The following MGAT5B variants were observed in gnomAD, a reference collection of about 807,000 sequenced individuals.
The protein encoded by MGAT5B is N-acetylglucosaminyl-transferase Vb.
In MGAT5B, 54 loss-of-function variants were observed where a neutral mutation model predicts 95.1. The observed-to-expected ratio is 0.57, with a 90% CI of 0.46 to 0.71. The LOEUF (loss-of-function observed/expected upper bound fraction) is 0.71. MGAT5B is among the 30% of genes least tolerant of loss of function. The pLI is 0.00. For missense variants in MGAT5B, 935 were observed against 1,088.6 expected (o/e 0.86, Z 1.99); for synonymous variants, 464 against 451.0 (o/e 1.03, Z -0.36).
Position 76,949,037 on chromosome 17 carries a change from TC to T in MGAT5B, c.*202del. The T allele has an allele frequency of 1.5e-6, 1 of 655,058 alleles. No homozygotes were observed. Among genetic ancestry groups the T allele is most frequent in the Non-Finnish European group, 2.6e-6 (1 of 389,404 alleles). 40.6% of individuals were successfully genotyped at this position (655,058 alleles called of 1,614,324 possible). A position where few individuals can be genotyped will look rare whatever the true frequency, so the allele number is the denominator to read the frequency against. On this transcript the variant is annotated 3_prime_UTR_variant, in exon 18 of 18. Coordinates refer to ENST00000569840, the MANE Select transcript of MGAT5B (RefSeq NM_001199172.2). ...GGCAGCATGCCGAGCCCCTGGGACCTCCCAGGCAGGCTCCGGTTCTCTCCTG... is the reference window on the plus strand; with the variant it reads ...GGCAGCATGCCGAGCCCCTGGGACCTCCAGGCAGGCTCCGGTTCTCTCCTG...
rs1461351920 is a variant in MGAT5B, at chr17:76,927,441, G to C, written c.1291+711G>C. On this transcript the variant is annotated intron_variant, in intron 10 of 17. Coordinates refer to ENST00000569840, the MANE Select transcript of MGAT5B (RefSeq NM_001199172.2). ...TTTTTGTAGAGAAAGGGTTTCACCA[G>C]GTTGCCCAGGCTGGTCTTGAATTCC... 3.3e-5 allele frequency among the ~76,000 whole-genome samples: 5 copies of C among 152,168 alleles called. No individual in the cohort carries two copies. The East Asian group carries it at 7.7e-4, about 24-fold the overall frequency.
At position 76,942,911 on chromosome 17, in the gene MGAT5B, C is replaced by T. The variant is rs1441007599; in HGVS notation, c.1848+2063C>T. On this transcript the variant is annotated intron_variant, in intron 15 of 17. Transcript: ENST00000569840. ...CTCTAAGACTTCTCCTGCAGAGGGGCTCGGGCAAGGCTGGGGAGGGGGACT... is the reference window on the plus strand; with the variant it reads ...CTCTAAGACTTCTCCTGCAGAGGGGTTCGGGCAAGGCTGGGGAGGGGGACT... Among the ~76,000 whole-genome samples the T allele has an allele frequency of 1.3e-5, 2 of 152,208 alleles. 1 individual carries two copies.
At chr17:76,927,286 C>T (rs889573953) in intron 10 of MGAT5B, among the ~76,000 whole-genome samples, 1 of 152,122 alleles carries the variant, frequency 6.6e-6, no homozygotes, top group Non-Finnish European at 1.5e-5. Context: ...GGTCAGGTTG[C>T]AGTGCAGTGG....
At chr17:76,937,004 GT>G (rs11306769) in intron 12 of MGAT5B, among the ~76,000 whole-genome samples, 36,048 of 142,310 alleles carry the variant, frequency 0.25, 4,579 homozygotes, top group East Asian at 0.46. Flanking sequence ...GGATTTCAAT[GT>G]TTTTTTTTTT....
chr17:76,871,186 A>G (rs1328450858), intron 1 of MGAT5B, among the ~76,000 whole-genome samples: 2 of 152,150 alleles, frequency 1.3e-5, no homozygotes, highest in East Asian at 3.9e-4. Flanking sequence ...TGGGAGGACA[A>G]ATAGCTGATT....
chr17:76,929,171 A>C (rs1969408273), intron 10 of MGAT5B, among the ~76,000 whole-genome samples: 1 of 152,164 alleles, frequency 6.6e-6, no homozygotes, highest in Non-Finnish European at 1.5e-5. Flanking sequence ...CAGCCAGGGC[A>C]ACATTTTTAT....
chr17:76,904,478 A>C, intron 6 of MGAT5B, 56 bp downstream of exon 6: 1 of 1,513,384 alleles, frequency 6.6e-7, no homozygotes, highest in African/African-American at 1.4e-5. Flanking sequence ...GACATTCTTA[A>C]GGACAGTGGA....
At chr17:76,913,586 G>A (rs993449304) in intron 8 of MGAT5B, 2 of 420,354 alleles carry the variant, frequency 4.8e-6, no homozygotes, top group East Asian at 6.9e-5. Flanking sequence ...TGAACACAGT[G>A]TGGTTGAAAT....
intron 12 of MGAT5B, 99 bp downstream of exon 12, chr17:76,933,396 C>T (rs1353882216): frequency 6.7e-7 from 1 of 1,490,602 alleles, no homozygotes; most frequent in East Asian, 2.3e-5. Flanking sequence ...TCTCCTGACT[C>T]AGGCTCTCTG....
chr17:76,926,743 C>T lies in MGAT5B; in HGVS notation c.1291+13C>T. ...ATGACCATGTTTCGTGAGTGCCCCACAGGGCAGGGGTGGGGTCGGAGGTCC... is the reference window on the plus strand; with the variant it reads ...ATGACCATGTTTCGTGAGTGCCCCATAGGGCAGGGGTGGGGTCGGAGGTCC... On this transcript the variant is annotated intron_variant, in intron 10 of 17. Transcript: ENST00000569840. 6.2e-7 allele frequency: 1 copy of T among 1,612,250 alleles called. No individual in the cohort carries two copies. Among genetic ancestry groups the T allele is most frequent in the East Asian group, 2.2e-5 (1 of 44,874 alleles).
Position 76,950,273 on chromosome 17 carries a change from G to A in MGAT5B, c.*1435G>A, listed in dbSNP as rs983825247. 6.6e-6 allele frequency: 1 copy of A among 152,584 alleles called. No individual in the cohort carries two copies. Among genetic ancestry groups the A allele is most frequent in the African/African-American group, 2.4e-5 (1 of 41,416 alleles). The allele number at this position is 152,584 out of a possible 1,614,324, so 9.5% of individuals were successfully genotyped here. ...AACCACGATGGCAAAAAATCTCATT[G>A]GTTCTCAAGGACTAACCTGTGGGGG... On this transcript the variant is annotated 3_prime_UTR_variant, in exon 18 of 18. Coordinates refer to ENST00000569840, the MANE Select transcript of MGAT5B (RefSeq NM_001199172.2).
chr17:76,940,666 AC>A lies in MGAT5B; in HGVS notation c.1732-64del. On this transcript the variant is annotated intron_variant, in intron 14 of 17. Transcript: ENST00000569840. This position sits in a 1 kb window ranked among gnomAD's most constrained non-coding sequence, Gnocchi z 4.3. Reference sequence around the variant, plus strand: ...AGGAGATAGGACAAGTGTATGGGGTACCTTTCTTTGTCCCTGTCCCACTGGC... The same window carrying A: ...AGGAGATAGGACAAGTGTATGGGGTACTTTCTTTGTCCCTGTCCCACTGGC... 3.8e-6 allele frequency: 6 copies of A among 1,599,600 alleles called. No individual in the cohort carries two copies. Among genetic ancestry groups the A allele is most frequent in the Admixed American group, 1.7e-5 (1 of 59,692 alleles).
At chr17:76,887,853 G>A (rs890848858) in intron 3 of MGAT5B, among the ~76,000 whole-genome samples, 3 of 151,934 alleles carry the variant, frequency 2.0e-5, no homozygotes, top group African/African-American at 7.3e-5. Context: ...CACCGTGTCT[G>A]GCCCAGTGGG....
At chr17:76,909,916 G>C (rs553647989) in intron 8 of MGAT5B, among the ~76,000 whole-genome samples, 1 of 152,308 alleles carries the variant, frequency 6.6e-6, no homozygotes, top group Non-Finnish European at 1.5e-5. Flanking sequence ...GGAACAGCAC[G>C]TGTAAGTGAG....
intron 3 of MGAT5B, among the ~76,000 whole-genome samples, chr17:76,888,856 C>T (rs965227050): frequency 1.3e-5 from 2 of 152,176 alleles, no homozygotes; most frequent in African/African-American, 2.4e-5. Context: ...CAGAGTTCCC[C>T]GCTGGCCCCG....
Position 76,905,378 on chromosome 17 carries a change from A to G in MGAT5B, c.855+45A>G. On this transcript the variant is annotated intron_variant, in intron 7 of 17. Coordinates refer to ENST00000569840, the MANE Select transcript of MGAT5B (RefSeq NM_001199172.2). This position sits in a 1 kb window ranked among gnomAD's most constrained non-coding sequence, Gnocchi z 4.2. ...TCATGTGCAGGAGCTGAGAAAGCTCAGGGCCCCCACTTCTGAGTGGGCATG... is the reference window on the plus strand; with the variant it reads ...TCATGTGCAGGAGCTGAGAAAGCTCGGGGCCCCCACTTCTGAGTGGGCATG... The G allele has an allele frequency of 6.6e-7, 1 of 1,507,838 alleles. No homozygotes were observed. Among genetic ancestry groups the G allele is most frequent in the Admixed American group, 2.2e-5 (1 of 45,686 alleles). The allele number at this position is 1,507,838 out of a possible 1,614,324, so 93.4% of individuals were successfully genotyped here.
chr17:76,924,676 G>A (rs76658853), intron 8 of MGAT5B, among the ~76,000 whole-genome samples: 10 of 152,298 alleles, frequency 6.6e-5, no homozygotes, highest in East Asian at 1.9e-4. Flanking sequence ...ACAGCCCTGC[G>A]GGAGCACATT....
chr17:76,919,082 A>G (rs957231993), intron 8 of MGAT5B, among the ~76,000 whole-genome samples: 1 of 152,212 alleles, frequency 6.6e-6, no homozygotes, highest in Non-Finnish European at 1.5e-5. Context: ...TGGCTCGTGG[A>G]AGGCTACCCA....
intron 10 of MGAT5B, among the ~76,000 whole-genome samples, chr17:76,931,873 A>T (rs1197147673): frequency 1.3e-5 from 2 of 152,088 alleles, no homozygotes; most frequent in Non-Finnish European, 2.9e-5. Context: ...GGGCGAAAAG[A>T]TGGGTCAGAA....
Sources: gnomAD v4.1 joint callset for allele counts (sites outside exome capture counted in the v4.1 genomes callset) on GRCh38, gnomAD v4.1.1 for gene constraint, Gnocchi (gnomAD v3.1) non-coding constraint, MANE v1.5 for transcripts, NCBI Gene and HGNC (gene_info 2026-07-23, HGNC 2026-07-21) for gene names.